Variants in KIF13A observed in about 807,000 individuals in gnomAD.
KIF13A encodes kinesin-like protein KIF13A.
Under a neutral mutation model 212.2 loss-of-function variants are expected in KIF13A, and 79 were observed. That is an observed-to-expected ratio of 0.37 (90% CI 0.31 to 0.45). KIF13A has a LOEUF of 0.45. Among genes scored for constraint, KIF13A ranks in the 20% least tolerant of loss-of-function variants. KIF13A has a pLI of 1.00. For missense variants in KIF13A, 1,901 were observed against 2,209.0 expected (o/e 0.86, Z 2.79); for synonymous variants, 789 against 808.6 (o/e 0.98, Z 0.41).
In KIF13A at chr6:17,920,153, A is replaced by G. The variant is rs1182023300; in HGVS notation, c.147-21973T>C. On this transcript the variant is annotated intron_variant, in intron 2 of 38. Coordinates refer to ENST00000259711, the MANE Select transcript of KIF13A (RefSeq NM_022113.6). ...CAGGTCAAGAAAACAGGAGTGACCA[A>G]CAGAAGAAAACATACTCCAATGAGG... is the stretch of plus-strand genomic sequence containing the variant. Among the ~76,000 whole-genome samples the G allele has an allele frequency of 7.2e-5, 11 of 152,306 alleles. No individual in the cohort carries two copies. In the East Asian group the frequency reaches 1.7e-3, roughly 24 times the overall value.
At chr6:17,980,950 G>A (rs1204930497) in intron 2 of KIF13A, among the ~76,000 whole-genome samples, 1 of 151,084 alleles carries the variant, frequency 6.6e-6, no homozygotes, top group Non-Finnish European at 1.5e-5. Flanking sequence ...TCAGAAATAC[G>A]GTGGGAAATT....
chr6:17,810,604 T>C (rs977220316), intron 17 of KIF13A, among the ~76,000 whole-genome samples: 1 of 152,222 alleles, frequency 6.6e-6, no homozygotes, highest in Non-Finnish European at 1.5e-5. Context: ...TCTATTATTA[T>C]ATTGTAATAG....
At position 17,971,004 on chromosome 6, in the gene KIF13A, A is replaced by G. The variant is rs1295765213; in HGVS notation, c.146+16050T>C. Among the ~76,000 whole-genome samples, 1 of 152,248 alleles carries G rather than the reference A, an allele frequency of 6.6e-6. No individual in the cohort carries two copies. The highest frequency in any genetic ancestry group is 1.9e-4 in the East Asian group (1 of 5,202). On this transcript the variant is annotated intron_variant, in intron 2 of 38. Transcript: ENST00000259711. This position sits in a 1 kb window ranked among gnomAD's most constrained non-coding sequence, Gnocchi z 4.2. Reference sequence around the variant, plus strand: ...ATTTCAATTTTATTTCGGCTTTTAAAAAGATTGGTGAGGTTATTTCAATAC... The same window carrying G: ...ATTTCAATTTTATTTCGGCTTTTAAGAAGATTGGTGAGGTTATTTCAATAC...
At position 17,773,275 on chromosome 6, in the gene KIF13A, A is replaced by T. The variant is rs764515972; in HGVS notation, c.4324+203T>A. ...AGTAATACACAAAAAGTCTATGATTATTTGGGTGATATGTTGGATACAAAA... is the reference window on the plus strand; with the variant it reads ...AGTAATACACAAAAAGTCTATGATTTTTTGGGTGATATGTTGGATACAAAA... On this transcript the variant is annotated intron_variant, in intron 36 of 38. Transcript: ENST00000259711. This position sits in a 1 kb window ranked among gnomAD's most constrained non-coding sequence, Gnocchi z 4.2. Among the ~76,000 whole-genome samples the T allele has an allele frequency of 6.6e-6, 1 of 152,248 alleles. No individual in the cohort carries two copies. The highest frequency in any genetic ancestry group is 1.5e-5 in the Non-Finnish European group (1 of 68,038).
Position 17,805,370 on chromosome 6 carries a change from CGTGTGTGTGTGTGTGT to C in KIF13A, c.2304+89_2304+104del, listed in dbSNP as rs59526903. The stretch of plus-strand genomic sequence containing the variant: ...ATCTAACGTATCATGAGCACATCTC[CGTGTGTGTGTGTGTGT>C]GTGTGTGTGTGTGTGTGTGTGTTGC... On this transcript the variant is annotated intron_variant, in intron 19 of 38. Transcript: ENST00000259711. 904 of 737,582 alleles carry C rather than the reference CGTGTGTGTGTGTGTGT, an allele frequency of 1.2e-3. 13 individuals are homozygous for C. Among genetic ancestry groups the C allele is most frequent in the Non-Finnish European group, 1.6e-3 (706 of 444,142 alleles). The allele number at this position is 737,582 out of a possible 1,614,324, so 45.7% of individuals were successfully genotyped here. A position where few individuals can be genotyped will look rare whatever the true frequency, so the allele number is the denominator to read the frequency against.
chr6:17,775,817 CTT>C (rs1338042910), intron 34 of KIF13A, among the ~76,000 whole-genome samples: 4 of 152,004 alleles, frequency 2.6e-5, no homozygotes, highest in African/African-American at 9.7e-5. Context: ...TTCCAAAAGA[CTT>C]TACTTGATCA....
At chr6:17,780,934 G>A (rs772372296) in intron 30 of KIF13A, 28 bp from the exon 31 acceptor site, 2 of 1,599,244 alleles carry the variant, frequency 1.3e-6, no homozygotes, top group Non-Finnish European at 1.7e-6. Flanking sequence ...ATGAGGAGAT[G>A]GAAACAAGAC....
intron 2 of KIF13A, among the ~76,000 whole-genome samples, chr6:17,938,462 C>A (rs1281933724): frequency 1.3e-5 from 2 of 152,126 alleles, no homozygotes; most frequent in East Asian, 3.9e-4. Context: ...GAAGATAGAA[C>A]GGTCCTGAAA....
At chr6:17,761,629 C>T (rs1290892278), downstream of KIF13A, among the ~76,000 whole-genome samples, 6 of 152,088 alleles carry the variant, frequency 3.9e-5, no homozygotes, top group African/African-American at 9.7e-5. Context: ...GTGATCCGCC[C>T]GCCTCAGCCT....
intron 18 of KIF13A, among the ~76,000 whole-genome samples, chr6:17,806,628 C>T (rs1169965221): frequency 6.6e-6 from 1 of 151,990 alleles, no homozygotes; most frequent in African/African-American, 2.4e-5. Context: ...GCCTGTAATC[C>T]CAGCACTTTG....
Position 17,859,782 on chromosome 6 carries a change from T to C in KIF13A, c.221-3660A>G, listed in dbSNP as rs954653179. On this transcript the variant is annotated intron_variant, in intron 4 of 38. Transcript: ENST00000259711. Reference sequence around the variant, plus strand: ...TCCTGAGTAGCTGGGATTACAGGTATGCAACACCAAGCCCGGCCAATTTTT... The same window carrying C: ...TCCTGAGTAGCTGGGATTACAGGTACGCAACACCAAGCCCGGCCAATTTTT... Among the ~76,000 whole-genome samples the C allele has an allele frequency of 4.9e-4, 74 of 151,378 alleles. 1 individual carries two copies. The highest frequency in any genetic ancestry group is 1.2e-4 in the Non-Finnish European group (8 of 67,710).
intron 14 of KIF13A, among the ~76,000 whole-genome samples, chr6:17,827,670 A>G (rs1490710014): frequency 1.3e-5 from 2 of 151,988 alleles, no homozygotes; most frequent in African/African-American, 4.8e-5. Flanking sequence ...GGAATTGAAC[A>G]CCATGCCCGG....
chr6:17,985,755 C>T (rs1038571527), intron 2 of KIF13A, among the ~76,000 whole-genome samples: 1 of 151,880 alleles, frequency 6.6e-6, no homozygotes, highest in Non-Finnish European at 1.5e-5. Context: ...ATCTACACTG[C>T]TATAAATGCA....
chr6:17,864,719 G>A (rs1294351680), intron 4 of KIF13A, among the ~76,000 whole-genome samples: 2 of 152,092 alleles, frequency 1.3e-5, no homozygotes. Context: ...CTGATCTTGA[G>A]CTCCTAGCCT....
At chr6:17,842,718 A>C (rs533206469) in intron 9 of KIF13A, among the ~76,000 whole-genome samples, 36 of 152,238 alleles carry the variant, frequency 2.4e-4, no homozygotes, top group African/African-American at 8.2e-4. Flanking sequence ...TTTAAGATAG[A>C]ATTTTTTTTA....
At chr6:17,942,649 T>C (rs552883597) in intron 2 of KIF13A, among the ~76,000 whole-genome samples, 33 of 152,146 alleles carry the variant, frequency 2.2e-4, no homozygotes, top group Non-Finnish European at 3.8e-4. Context: ...CCTCCTCTCT[T>C]ATAAACAGGC....
intron 2 of KIF13A, among the ~76,000 whole-genome samples, chr6:17,917,752 T>G (rs1364746298): frequency 1.3e-5 from 2 of 152,220 alleles, no homozygotes; most frequent in African/African-American, 2.4e-5. Context: ...ATAAATTTCC[T>G]ATCATTTACC....
At chr6:17,833,823 C>A in intron 12 of KIF13A, 138 bp downstream of exon 12, 1 of 494,824 alleles carries the variant, frequency 2.0e-6, no homozygotes, top group Non-Finnish European at 3.4e-6. Context: ...GCCACTGCAC[C>A]CCAGCCTGGG....
chr6:17,975,345 C>A lies in KIF13A; in HGVS notation c.146+11709G>T, dbSNP rs141845869. On this transcript the variant is annotated intron_variant, in intron 2 of 38. Transcript: ENST00000259711. The stretch of plus-strand genomic sequence containing the variant: ...AGTAGGTTCTTGGTCTCACTAACTT[C>A]AAGAATGAAGCTGCGGACCCTCACA... Among the ~76,000 whole-genome samples, 1,250 of 152,246 alleles carry A rather than the reference C, an allele frequency of 8.2e-3. 13 individuals are homozygous for A. The highest frequency in any genetic ancestry group is 0.017 in the Middle Eastern group (5 of 294).
Sources: allele counts gnomAD v4.1 joint callset (sites outside exome capture counted in the v4.1 genomes callset), GRCh38; gene constraint gnomAD v4.1.1; non-coding constraint Gnocchi (gnomAD v3.1); transcripts MANE v1.5; gene names NCBI Gene and HGNC (gene_info 2026-07-23, HGNC 2026-07-21).